Variants in CSMD1 observed in about 807,000 individuals in gnomAD.
The protein encoded by CSMD1 is CUB and sushi domain-containing protein 1.
In CSMD1, 213 loss-of-function variants were observed where a neutral mutation model predicts 417.5. The ratio of observed to expected loss-of-function variants is 0.51; its 90% confidence interval spans 0.46 to 0.57. The LOEUF (loss-of-function observed/expected upper bound fraction) is 0.57. Ranked by LOEUF, CSMD1 falls within the 20% of genes least tolerant of loss-of-function variation. The probability of loss-of-function intolerance (pLI) is 0.00; values close to 1 mark genes in which losing one functional copy is unlikely to be tolerated. For missense variants in CSMD1, 6,923 were observed against 4,529.7 expected (o/e 1.53, Z -15.17); for synonymous variants, 2,862 against 1,736.8 (o/e 1.65, Z -16.11).
intron 6 of CSMD1, among the ~76,000 whole-genome samples, chr8:3,748,866 C>A (rs1797181756): frequency 6.6e-6 from 1 of 152,162 alleles, no homozygotes; most frequent in African/African-American, 2.4e-5. Context: ...TCAACACAAG[C>A]TTTATCGCCA....
At chr8:3,529,856 A>G (rs1357384375) in intron 10 of CSMD1, among the ~76,000 whole-genome samples, 2 of 152,174 alleles carry the variant, frequency 1.3e-5, no homozygotes, top group African/African-American at 4.8e-5. Context: ...TGGACAATAA[A>G]TTAATTATAG....
At chr8:3,975,561 C>G (rs989383628) in intron 5 of CSMD1, among the ~76,000 whole-genome samples, 2 of 152,112 alleles carry the variant, frequency 1.3e-5, no homozygotes, top group Admixed American at 6.6e-5. Context: ...GGATGACGGG[C>G]AGCGCTTTAT....
In CSMD1 at chr8:4,411,829, A is replaced by G. The variant is rs191243570; in HGVS notation, c.415+8124T>C. On this transcript the variant is annotated intron_variant, in intron 3 of 69. Coordinates refer to ENST00000635120, the MANE Select transcript of CSMD1 (RefSeq NM_033225.6). ...TTCACATAGCTATGCAAATACTTTT[A>G]TTTATATTTTTACCAAAATGGAATT... Among the ~76,000 whole-genome samples the G allele has an allele frequency of 9.2e-5, 14 of 152,318 alleles. No individual in the cohort carries two copies. The East Asian group carries it at 2.7e-3, about 29-fold the overall frequency.
chr8:3,982,259 G>T (rs182404788), intron 5 of CSMD1, among the ~76,000 whole-genome samples: 16 of 151,130 alleles, frequency 1.1e-4, no homozygotes, highest in Admixed American at 7.3e-4. Context: ...ACTTAAGAAT[G>T]CTGGGATTTA....
At chr8:3,873,506 G>C (rs1306299504) in intron 5 of CSMD1, among the ~76,000 whole-genome samples, 1 of 151,994 alleles carries the variant, frequency 6.6e-6, no homozygotes, top group Admixed American at 6.5e-5. Flanking sequence ...TGAATAATAA[G>C]AACACAGGGA....
chr8:3,611,629 A>G (rs1801899064), intron 8 of CSMD1, among the ~76,000 whole-genome samples: 1 of 152,126 alleles, frequency 6.6e-6, no homozygotes, highest in African/African-American at 2.4e-5. Context: ...AAATTAGAAA[A>G]TTTTCAAAAG....
chr8:2,955,109 G>C lies in CSMD1; in HGVS notation c.9994+480C>G, dbSNP rs550690705. ...TGAATTGCTTTTGTAATTTTAAAAA[G>C]CAGAATCAATGTCAGGGACACATAA... is the stretch of plus-strand genomic sequence containing the variant. On this transcript the variant is annotated intron_variant, in intron 64 of 69. Coordinates refer to ENST00000635120, the MANE Select transcript of CSMD1 (RefSeq NM_033225.6). Among the ~76,000 whole-genome samples the C allele has an allele frequency of 2.6e-4, 40 of 152,280 alleles. 1 individual carries two copies. The South Asian group carries it at 8.3e-3, about 32-fold the overall frequency.
intron 3 of CSMD1, among the ~76,000 whole-genome samples, chr8:4,068,663 A>G (rs1385925537): frequency 1.3e-5 from 2 of 152,246 alleles, no homozygotes; most frequent in Non-Finnish European, 2.9e-5. Flanking sequence ...GATAAAAAAA[A>G]TGGAAAAGAT....
At chr8:4,196,598 C>G (rs1370357105) in intron 3 of CSMD1, among the ~76,000 whole-genome samples, 1 of 152,128 alleles carries the variant, frequency 6.6e-6, no homozygotes, top group Non-Finnish European at 1.5e-5. Flanking sequence ...GGGTCATAGC[C>G]TTCTTTGTGA....
intron 5 of CSMD1, among the ~76,000 whole-genome samples, chr8:3,759,204 A>T (rs1797848665): frequency 6.6e-6 from 1 of 152,236 alleles, no homozygotes; most frequent in Non-Finnish European, 1.5e-5. Context: ...TGTATACATT[A>T]AATATGTATA....
In CSMD1 at chr8:4,515,396, A is replaced by G. The variant is rs141965371; in HGVS notation, c.303-95331T>C. Among the ~76,000 whole-genome samples, 18 of 152,314 alleles carry G rather than the reference A, an allele frequency of 1.2e-4. No homozygotes were observed. In the East Asian group the frequency reaches 3.3e-3, roughly 28 times the overall value. ...AGAGATGTTAAATGTTATGGGACCC[A>G]TGAAGAGGCGTCTTTGTCTGCTTGA... On this transcript the variant is annotated intron_variant, in intron 2 of 69. Transcript: ENST00000635120.
intron 3 of CSMD1, among the ~76,000 whole-genome samples, chr8:4,218,274 C>A (rs3849842): frequency 0.5 from 75,399 of 152,032 alleles, 20,724 homozygotes; most frequent in African/African-American, 0.72. Context: ...GTGACAATAG[C>A]AATACATCCA....
chr8:3,785,709 C>T (rs113837261), intron 5 of CSMD1, among the ~76,000 whole-genome samples: 8 of 152,188 alleles, frequency 5.3e-5, no homozygotes, highest in Middle Eastern at 3.4e-3. Flanking sequence ...CCACGTGCTA[C>T]CAAGAAGTGA....
intron 2 of CSMD1, among the ~76,000 whole-genome samples, chr8:4,519,925 G>GTA (rs1430999485): frequency 1.2e-5 from 1 of 85,306 alleles, no homozygotes; most frequent in Non-Finnish European, 3.4e-5. Context: ...TATGTAGTGT[G>GTA]TGTGTGTGTG....
chr8:4,722,692 C>T (rs1226732418), intron 1 of CSMD1, among the ~76,000 whole-genome samples: 2 of 152,020 alleles, frequency 1.3e-5, no homozygotes, highest in Non-Finnish European at 2.9e-5. Flanking sequence ...TCTAATTTTT[C>T]TAATTTGAAT....
intron 26 of CSMD1, among the ~76,000 whole-genome samples, chr8:3,248,470 C>T (rs1471024893): frequency 6.6e-6 from 1 of 150,504 alleles, no homozygotes; most frequent in Non-Finnish European, 1.5e-5. Flanking sequence ...AGGGAAAATC[C>T]AGTGACATCA....
At chr8:4,449,062 G>A (rs1798979913) in intron 2 of CSMD1, among the ~76,000 whole-genome samples, 1 of 152,200 alleles carries the variant, frequency 6.6e-6, no homozygotes, top group Admixed American at 6.5e-5. Context: ...ACAGAAGGAT[G>A]CTATAAACCT....
chr8:3,085,950 G>A (rs1173113296), intron 49 of CSMD1, among the ~76,000 whole-genome samples: 3 of 152,134 alleles, frequency 2.0e-5, no homozygotes, highest in Non-Finnish European at 4.4e-5. Context: ...TAGAGGACAG[G>A]AAATGACTTC....
intron 7 of CSMD1, among the ~76,000 whole-genome samples, chr8:3,675,654 CA>C (rs1799334610): frequency 6.6e-6 from 1 of 152,126 alleles, no homozygotes; most frequent in Admixed American, 6.6e-5. Flanking sequence ...CTCTGCCACT[CA>C]AGGACACAAT....
Sources: gnomAD v4.1 joint callset for allele counts (sites outside exome capture counted in the v4.1 genomes callset) on GRCh38, gnomAD v4.1.1 for gene constraint, MANE v1.5 for transcripts, NCBI Gene and HGNC (gene_info 2026-07-23, HGNC 2026-07-21) for gene names.